TMTC2: variants seen among roughly 807,000 people sequenced by gnomAD.
TMTC2 encodes protein O-mannosyl-transferase TMTC2.
A neutral mutation model predicts 82.4 loss-of-function variants in TMTC2; 43 were observed. The ratio of observed to expected loss-of-function variants is 0.52; its 90% confidence interval spans 0.41 to 0.67. TMTC2 has a LOEUF of 0.67. Among genes scored for constraint, TMTC2 ranks in the 30% least tolerant of loss-of-function variants. The probability of loss-of-function intolerance (pLI) is 0.00; values close to 1 mark genes in which losing one functional copy is unlikely to be tolerated. For synonymous variants in TMTC2, 408 were observed against 381.9 expected, an observed-to-expected ratio of 1.07 and a Z score of -0.80; for missense variants, 919 against 1,012.4, an observed-to-expected ratio of 0.91 and a Z score of 1.25.
intron 7 of TMTC2, among the ~76,000 whole-genome samples, chr12:82,985,558 A>AATTC (rs1452356236): frequency 6.6e-6 from 1 of 152,216 alleles, no homozygotes; most frequent in African/African-American, 2.4e-5. Flanking sequence ...TTTCTAAAGG[A>AATTC]ATAAATGAAT....
intron 1 of TMTC2, among the ~76,000 whole-genome samples, chr12:82,801,394 C>T (rs549608950): frequency 4.6e-5 from 7 of 151,942 alleles, no homozygotes; most frequent in South Asian, 2.1e-4. Context: ...TTGCAAAGAG[C>T]GAAAGAACAA....
intron 3 of TMTC2, among the ~76,000 whole-genome samples, chr12:82,900,880 T>C (rs1174119116): frequency 1.6e-5 from 2 of 125,924 alleles, no homozygotes; most frequent in African/African-American, 3.0e-5. Context: ...TATATAGGAA[T>C]ATATATACCT....
At chr12:83,012,299 G>A (rs893871384) in intron 8 of TMTC2, among the ~76,000 whole-genome samples, 2 of 152,188 alleles carry the variant, frequency 1.3e-5, no homozygotes, top group East Asian at 1.9e-4. Context: ...AATATTAAAA[G>A]TTTGAAGGGA....
At chr12:83,110,379 A>G (rs913567774) in intron 11 of TMTC2, among the ~76,000 whole-genome samples, 1 of 152,134 alleles carries the variant, frequency 6.6e-6, no homozygotes, top group African/African-American at 2.4e-5. Flanking sequence ...TATTATTTCT[A>G]CTAAAATTGA....
At chr12:82,789,962 C>T (rs1056309261) in intron 1 of TMTC2, among the ~76,000 whole-genome samples, 1 of 152,034 alleles carries the variant, frequency 6.6e-6, no homozygotes, top group Non-Finnish European at 1.5e-5. Context: ...CCTGTAATCC[C>T]ATCACTTTGG....
chr12:83,097,845 T>C (rs1479120460), intron 11 of TMTC2, among the ~76,000 whole-genome samples: 1 of 151,926 alleles, frequency 6.6e-6, no homozygotes, highest in Non-Finnish European at 1.5e-5. Context: ...AAAGAGAAGA[T>C]GGAAAGAAGC....
At chr12:82,933,970 T>G (rs1165696474) in intron 4 of TMTC2, among the ~76,000 whole-genome samples, 1 of 152,234 alleles carries the variant, frequency 6.6e-6, no homozygotes. Context: ...CAAAGAGTTA[T>G]ATTCCATGTT....
intron 1 of TMTC2, among the ~76,000 whole-genome samples, chr12:82,789,235 G>A (rs1878335206): frequency 6.6e-6 from 1 of 152,092 alleles, no homozygotes; most frequent in Non-Finnish European, 1.5e-5. Context: ...GGTGTAGGAG[G>A]TGGAGCTTTG....
At chr12:82,952,793 G>A (rs1424525737) in intron 4 of TMTC2, among the ~76,000 whole-genome samples, 2 of 151,916 alleles carry the variant, frequency 1.3e-5, no homozygotes, top group Non-Finnish European at 2.9e-5. Context: ...GGCTGGTCTC[G>A]AACTCCTGAC....
intron 1 of TMTC2, among the ~76,000 whole-genome samples, chr12:82,741,678 A>G (rs1233019186): frequency 6.6e-6 from 1 of 152,160 alleles, no homozygotes; most frequent in Non-Finnish European, 1.5e-5. Context: ...AAGGAAACCA[A>G]TGTGTAATCA....
intron 1 of TMTC2, among the ~76,000 whole-genome samples, chr12:82,763,085 T>C (rs1388675210): frequency 6.6e-6 from 1 of 152,112 alleles, no homozygotes; most frequent in African/African-American, 2.4e-5. Context: ...AATGTGACTA[T>C]ATTTTATGCC....
chr12:82,977,458 A>G (rs1040322121), intron 7 of TMTC2, among the ~76,000 whole-genome samples: 2 of 151,918 alleles, frequency 1.3e-5, no homozygotes, highest in East Asian at 3.8e-4. Context: ...AGGTTGTTGT[A>G]GATAATAAAT....
intron 1 of TMTC2, among the ~76,000 whole-genome samples, chr12:82,796,240 A>G (rs1219316918): frequency 6.6e-6 from 1 of 152,130 alleles, no homozygotes; most frequent in Admixed American, 6.5e-5. Flanking sequence ...CAGTGAAAGC[A>G]TTGAGAACTA....
chr12:83,048,907 G>C (rs1257632861), intron 9 of TMTC2, among the ~76,000 whole-genome samples: 2 of 152,202 alleles, frequency 1.3e-5, no homozygotes, highest in Non-Finnish European at 2.9e-5. Context: ...GACCTCTGGT[G>C]ATCCACCTGC....
chr12:82,718,935 A>C (rs1025537624), intron 1 of TMTC2, among the ~76,000 whole-genome samples: 2 of 151,320 alleles, frequency 1.3e-5, no homozygotes, highest in African/African-American at 4.9e-5. Flanking sequence ...CCATTCTATA[A>C]TCTGTAGAGT....
At chr12:82,911,572 T>C (rs1874659826) in intron 3 of TMTC2, among the ~76,000 whole-genome samples, 1 of 152,164 alleles carries the variant, frequency 6.6e-6, no homozygotes, top group South Asian at 2.1e-4. Context: ...ATAATATTGT[T>C]TTCTAAGTAT....
At chr12:83,036,300 TTTAA>T (rs1198730703) in intron 9 of TMTC2, among the ~76,000 whole-genome samples, 1 of 152,122 alleles carries the variant, frequency 6.6e-6, no homozygotes, top group East Asian at 1.9e-4. Context: ...AAAATAGTAG[TTTAA>T]TTAGTTTAAA....
chr12:82,846,051 T>C (rs1248209382), intron 1 of TMTC2, among the ~76,000 whole-genome samples: 1 of 151,976 alleles, frequency 6.6e-6, no homozygotes, highest in Non-Finnish European at 1.5e-5. Context: ...TTCTACTTCC[T>C]CATTTTCTCC....
intron 11 of TMTC2, among the ~76,000 whole-genome samples, chr12:83,113,550 G>A (rs1183416512): frequency 5.3e-5 from 8 of 152,108 alleles, no homozygotes; most frequent in Admixed American, 5.2e-4. Flanking sequence ...TTTGCCATGG[G>A]CTTAGAGACA....
Sources: allele counts gnomAD v4.1 joint callset (sites outside exome capture counted in the v4.1 genomes callset), GRCh38; gene constraint gnomAD v4.1.1; transcripts MANE v1.5; gene names NCBI Gene and HGNC (gene_info 2026-07-23, HGNC 2026-07-21).